The following DDX42 variants were observed in gnomAD, a reference collection of about 807,000 sequenced individuals.
DDX42 encodes DEAD-box helicase 42, also known as ATP-dependent RNA helicase DDX42.
DDX42 carries 22 observed loss-of-function variants against 101.5 expected under a neutral mutation model. The observed-to-expected ratio is 0.22, with a 90% CI of 0.15 to 0.31. The LOEUF (loss-of-function observed/expected upper bound fraction) is 0.31. Ranked by LOEUF, DDX42 falls within the 10% of genes least tolerant of loss-of-function variation. DDX42 has a pLI of 1.00. For missense variants in DDX42, 849 were observed against 1,199.9 expected (o/e 0.71, Z 4.32); for synonymous variants, 402 against 401.2 (o/e 1.00, Z -0.02).
rs755455130 is a variant in DDX42, at chr17:63,785,926, C to T, written c.-16-1108C>T. Among the ~76,000 whole-genome samples, 11 of 152,274 alleles carry T rather than the reference C, an allele frequency of 7.2e-5. No homozygotes were observed. The South Asian group carries it at 1.2e-3, about 17-fold the overall frequency. Reference sequence around the variant, plus strand: ...TTACCAGAGGATAACCTCTAGTTTTCGGAGAGTCTTGGCTGATAGCAGCTC... The same window carrying T: ...TTACCAGAGGATAACCTCTAGTTTTTGGAGAGTCTTGGCTGATAGCAGCTC... On this transcript the variant is annotated intron_variant, in intron 1 of 17. Coordinates refer to ENST00000389924, the MANE Select transcript of DDX42 (RefSeq NM_203499.3).
intron 3 of DDX42, among the ~76,000 whole-genome samples, chr17:63,793,870 A>ATG (rs2039659139): frequency 6.7e-6 from 1 of 148,444 alleles, no homozygotes; most frequent in African/African-American, 2.5e-5. Context: ...ATATATATAT[A>ATG]TATATATATA....
intron 1 of DDX42, among the ~76,000 whole-genome samples, chr17:63,775,419 A>G (rs1257601640): frequency 6.6e-6 from 1 of 152,168 alleles, no homozygotes; most frequent in Non-Finnish European, 1.5e-5. Context: ...AAACAGATAC[A>G]TATATTATAC....
At chr17:63,788,552 C>G (rs1285339067) in intron 2 of DDX42, among the ~76,000 whole-genome samples, 1 of 151,938 alleles carries the variant, frequency 6.6e-6, no homozygotes, top group African/African-American at 2.4e-5. Flanking sequence ...ATGATCCGCC[C>G]GCCTCAGCCT....
intron 6 of DDX42, among the ~76,000 whole-genome samples, chr17:63,804,450 C>T (rs770087693): frequency 6.6e-6 from 1 of 152,112 alleles, no homozygotes; most frequent in Non-Finnish European, 1.5e-5. Context: ...TAAACAACTC[C>T]ATGTTTTTAA....
chr17:63,778,001 G>A (rs2039441324), intron 1 of DDX42, among the ~76,000 whole-genome samples: 2 of 152,160 alleles, frequency 1.3e-5, no homozygotes, highest in Non-Finnish European at 2.9e-5. Flanking sequence ...TCTCATTCCA[G>A]CATGATTAAC....
chr17:63,813,493 A>G (rs1394271381), intron 15 of DDX42, 39 bp downstream of exon 15: 11 of 1,570,232 alleles, frequency 7.0e-6, no homozygotes, highest in Non-Finnish European at 9.6e-6. Context: ...TCCTGGTTAT[A>G]AGACCAAGAC....
chr17:63,807,586 C>G, intron 8 of DDX42, 138 bp from the exon 9 acceptor site: 1 of 662,058 alleles, frequency 1.5e-6, no homozygotes, highest in South Asian at 2.2e-5. Flanking sequence ...TATTTCACAA[C>G]CAGTATGCAT....
intron 14 of DDX42, 97 bp from the exon 15 acceptor site, chr17:63,813,131 T>C: frequency 8.6e-7 from 1 of 1,167,424 alleles, no homozygotes; most frequent in Non-Finnish European, 1.2e-6. Context: ...TTTGCCTAGA[T>C]AAAGGAAATG....
At chr17:63,783,056 C>G (rs2039507806) in intron 1 of DDX42, among the ~76,000 whole-genome samples, 1 of 152,148 alleles carries the variant, frequency 6.6e-6, no homozygotes, top group Admixed American at 6.6e-5. Flanking sequence ...TCTAATGCCT[C>G]TTGAGGTTTC....
rs756289857 is a variant in DDX42 at position 63,809,667 on chromosome 17, T to G, written c.1252+8T>G. On this transcript the variant is annotated splice_region_variant and intron_variant, in intron 11 of 17. Coordinates refer to ENST00000389924, the MANE Select transcript of DDX42 (RefSeq NM_203499.3). The stretch of plus-strand genomic sequence containing the variant: ...TGTTTGACATGGGATTTGGTATGCC[T>G]TGAATACCAGTTTCTTCTGTCCCCA... 4 of 1,602,456 alleles carry G rather than the reference T, an allele frequency of 2.5e-6. No homozygotes were observed. Among genetic ancestry groups the G allele is most frequent in the Non-Finnish European group, 3.4e-6 (4 of 1,169,258 alleles).
chr17:63,812,866 A>G (rs1183480450), intron 14 of DDX42, among the ~76,000 whole-genome samples: 2 of 152,146 alleles, frequency 1.3e-5, no homozygotes, highest in African/African-American at 4.8e-5. Flanking sequence ...CTCTACTAAA[A>G]ATACAAAAAT....
Position 63,808,889 on chromosome 17 carries a change from A to G in DDX42, c.1093A>G (p.Ser365Gly), listed in dbSNP as rs773012859. The G allele has an allele frequency of 6.2e-7, 1 of 1,613,936 alleles. No homozygotes were observed. Among genetic ancestry groups the G allele is most frequent in the East Asian group, 2.2e-5 (1 of 44,854 alleles). ...ATCAGTGGCCGTATATGGAGGAGGG[A>G]GTATGTGGGAGCAGGCCAAGGCCCT... is the stretch of plus-strand genomic sequence containing the variant. The part of the protein sequence containing the change: ...LRSVAVYGGG[S>G]MWEQAKALQE... Residue 365 changes from serine (S) to glycine (G), a missense_variant, in exon 10 of 18, where the codon AGT (serine) becomes GGT (glycine). Transcript: ENST00000389924.
At chr17:63,794,050 T>C (rs2144551334) in intron 3 of DDX42, among the ~76,000 whole-genome samples, 1 of 152,216 alleles carries the variant, frequency 6.6e-6, no homozygotes, top group Admixed American at 6.5e-5. Flanking sequence ...CTCTTCTCAT[T>C]GGCCAAAATC....
intron 2 of DDX42, among the ~76,000 whole-genome samples, chr17:63,789,580 T>G (rs1425714978): frequency 4.8e-5 from 5 of 104,626 alleles, no homozygotes; most frequent in African/African-American, 1.3e-4. Flanking sequence ...TGTTTTTTTT[T>G]TTTTTTTTTT....
Position 63,782,051 on chromosome 17 carries a change from G to A in DDX42, c.-16-4983G>A, listed in dbSNP as rs141731489. ...AAAAGAATTGTCTTACCAGCTGGGC[G>A]CAGTGGATCACGAGGTCAGGAGTTT... On this transcript the variant is annotated intron_variant, in intron 1 of 17. Coordinates refer to ENST00000389924, the MANE Select transcript of DDX42 (RefSeq NM_203499.3). Among the ~76,000 whole-genome samples, 819 of 151,948 alleles carry A rather than the reference G, an allele frequency of 5.4e-3. 10 individuals carry two copies. Among genetic ancestry groups the A allele is most frequent in the African/African-American group, 0.019 (775 of 41,446 alleles).
rs562325748 is a variant in DDX42, at chr17:63,819,166, G to A, written c.*768G>A. 1.3e-5 allele frequency: 2 copies of A among 152,500 alleles called. No homozygotes were observed. Among genetic ancestry groups the A allele is most frequent in the Non-Finnish European group, 2.9e-5 (2 of 68,016 alleles). The allele number at this position is 152,500 out of a possible 1,614,324, so 9.4% of individuals were successfully genotyped here. A position where few individuals can be genotyped will look rare whatever the true frequency, so the allele number is the denominator to read the frequency against. ...TTTAACTTGCCCCAATGATAGAAAAGTCTTTTGCTGAAATGATTTTGATGA... is the reference window on the plus strand; with the variant it reads ...TTTAACTTGCCCCAATGATAGAAAAATCTTTTGCTGAAATGATTTTGATGA... On this transcript the variant is annotated 3_prime_UTR_variant, in exon 18 of 18. Transcript: ENST00000389924.
intron 9 of DDX42, 135 bp downstream of exon 9, chr17:63,808,035 A>G (rs572357665): frequency 1.2e-6 from 1 of 811,726 alleles, no homozygotes; most frequent in African/African-American, 1.7e-5. Context: ...TATCTTAACC[A>G]TTTTTAATGT....
At chr17:63,808,034 C>G (rs2144578455) in intron 9 of DDX42, 134 bp downstream of exon 9, 2 of 820,296 alleles carry the variant, frequency 2.4e-6, no homozygotes, top group Admixed American at 3.3e-5. Context: ...TTATCTTAAC[C>G]ATTTTTAATG....
At chr17:63,806,954 A>G (rs936635881) in intron 8 of DDX42, among the ~76,000 whole-genome samples, 1 of 152,188 alleles carries the variant, frequency 6.6e-6, no homozygotes, top group African/African-American at 2.4e-5. Context: ...TCGTCACTTG[A>G]AAATTCTCAT....
Sources: allele counts gnomAD v4.1 joint callset (sites outside exome capture counted in the v4.1 genomes callset), GRCh38; gene constraint gnomAD v4.1.1; transcripts MANE v1.5; gene names NCBI Gene and HGNC (gene_info 2026-07-23, HGNC 2026-07-21).